Variants in CDH11 observed in about 807,000 individuals in gnomAD.
CDH11 encodes the protein cadherin-11.
In CDH11, 11 loss-of-function variants were observed where a neutral mutation model predicts 67.8. That is an observed-to-expected ratio of 0.16 (90% CI 0.10 to 0.27). The LOEUF (loss-of-function observed/expected upper bound fraction) is 0.27, where lower values mean the gene tolerates loss of function less well. Ranked by LOEUF, CDH11 falls within the 10% of genes least tolerant of loss-of-function variation. The pLI is 1.00. For missense variants in CDH11, 847 were observed against 1,031.2 expected (o/e 0.82, Z 2.45); for synonymous variants, 419 against 400.0 (o/e 1.05, Z -0.57).
intron 2 of CDH11, among the ~76,000 whole-genome samples, chr16:65,048,254 G>A (rs995005506): frequency 9.9e-5 from 15 of 152,178 alleles, no homozygotes; most frequent in Non-Finnish European, 2.1e-4. Flanking sequence ...CAAGTGGAGA[G>A]CAGAATGTGA....
intron 1 of CDH11, among the ~76,000 whole-genome samples, chr16:65,070,521 T>A (rs2074397747): frequency 6.6e-6 from 1 of 152,148 alleles, no homozygotes; most frequent in South Asian, 2.1e-4. Context: ...CTCACAGCAT[T>A]GCCCTGAAGA....
intron 2 of CDH11, among the ~76,000 whole-genome samples, chr16:65,040,562 G>C (rs534095712): frequency 3.3e-5 from 5 of 151,998 alleles, no homozygotes; most frequent in African/African-American, 9.7e-5. Context: ...GTTGTGGGGT[G>C]GGGGGAGGAG....
chr16:65,107,940 G>T (rs963790149), intron 1 of CDH11, among the ~76,000 whole-genome samples: 3 of 152,102 alleles, frequency 2.0e-5, no homozygotes, highest in Non-Finnish European at 4.4e-5. Context: ...GCATTGCAAG[G>T]GCTGATCTGC....
chr16:65,110,194 C>T (rs1026195410), intron 1 of CDH11, among the ~76,000 whole-genome samples: 9 of 152,126 alleles, frequency 5.9e-5, no homozygotes. Context: ...CTAAAACCTC[C>T]TTCTGCTCCA....
chr16:65,099,963 G>A (rs1597194050), intron 1 of CDH11, among the ~76,000 whole-genome samples: 1 of 152,274 alleles, frequency 6.6e-6, no homozygotes, highest in East Asian at 1.9e-4. Context: ...GGGCAGTTAG[G>A]AGATTAAGGA....
chr16:65,032,146 C>G (rs2073655496), intron 2 of CDH11, among the ~76,000 whole-genome samples: 1 of 152,044 alleles, frequency 6.6e-6, no homozygotes, highest in African/African-American at 2.4e-5. Flanking sequence ...AGGAATGATA[C>G]TGAATCTTTA....
chr16:65,102,637 T>C (rs2075011331), intron 1 of CDH11, among the ~76,000 whole-genome samples: 1 of 152,252 alleles, frequency 6.6e-6, no homozygotes, highest in African/African-American at 2.4e-5. Context: ...AGATTTATCC[T>C]TTCCAAAGCC....
At position 65,107,696 on chromosome 16, in the gene CDH11, C is replaced by T. The variant is rs550956088; in HGVS notation, c.-298+14184G>A. On this transcript the variant is annotated intron_variant, in intron 1 of 12. Transcript: ENST00000268603. ...TATCACCCTCTGCTTATAAACTCTG[C>T]TCGGGCAAAGCAAACCTGTGCATTC... Among the ~76,000 whole-genome samples, 24 of 152,326 alleles carry T rather than the reference C, an allele frequency of 1.6e-4. 1 individual carries two copies. The South Asian group carries it at 4.6e-3, about 29-fold the overall frequency.
chr16:65,108,851 T>C (rs1038132317), intron 1 of CDH11, among the ~76,000 whole-genome samples: 27 of 152,052 alleles, frequency 1.8e-4, no homozygotes, highest in African/African-American at 2.7e-4. Flanking sequence ...GATTACCACA[T>C]AGAAATTGAA....
At chr16:64,948,160 C>A in intron 12 of CDH11, 61 bp from the exon 13 acceptor site, 1 of 1,553,464 alleles carries the variant, frequency 6.4e-7, no homozygotes, top group Admixed American at 1.8e-5. Flanking sequence ...GGTTCTTCTG[C>A]CAGAGGAACT....
chr16:65,000,427 A>C (rs916191358), intron 3 of CDH11, among the ~76,000 whole-genome samples: 3 of 152,186 alleles, frequency 2.0e-5, no homozygotes, highest in Admixed American at 2.0e-4. Context: ...TCAAGTAGAG[A>C]AAAAGACCTT....
intron 1 of CDH11, among the ~76,000 whole-genome samples, chr16:65,075,747 G>A (rs1016824077): frequency 6.6e-6 from 1 of 152,212 alleles, no homozygotes; most frequent in African/African-American, 2.4e-5. Context: ...TGCACAGCCA[G>A]CGTAGACAAT....
chr16:65,063,169 C>T (rs1468199278), intron 1 of CDH11, among the ~76,000 whole-genome samples: 1 of 152,142 alleles, frequency 6.6e-6, no homozygotes, highest in African/African-American at 2.4e-5. Context: ...GGCTATTCTA[C>T]CTCGATTTGT....
chr16:65,052,982 A>T (rs1433971576), intron 2 of CDH11, among the ~76,000 whole-genome samples: 3 of 152,148 alleles, frequency 2.0e-5, no homozygotes, highest in Non-Finnish European at 4.4e-5. Context: ...TGATACTATT[A>T]CAGGAATGTG....
intron 2 of CDH11, among the ~76,000 whole-genome samples, chr16:65,050,745 A>T (rs1025689734): frequency 3.9e-5 from 6 of 151,988 alleles, no homozygotes; most frequent in African/African-American, 1.5e-4. Flanking sequence ...CTCTCCTTGG[A>T]ATAAAAGCTT....
At chr16:64,982,403 G>GAGA (rs1178954311) in intron 7 of CDH11, 102 bp from the exon 8 acceptor site, 1 of 851,798 alleles carries the variant, frequency 1.2e-6, no homozygotes, top group East Asian at 2.6e-5. Context: ...TCCTCAAAGA[G>GAGA]AGAAAATCAG....
intron 2 of CDH11, among the ~76,000 whole-genome samples, chr16:65,021,200 C>G (rs2073416493): frequency 6.6e-6 from 1 of 152,192 alleles, no homozygotes; most frequent in African/African-American, 2.4e-5. Context: ...CACACCAAAG[C>G]TCTCTCATAA....
intron 8 of CDH11, among the ~76,000 whole-genome samples, chr16:64,978,563 T>C (rs1455558985): frequency 3.3e-5 from 5 of 152,238 alleles, no homozygotes; most frequent in African/African-American, 1.2e-4. Context: ...GAAGGCTATG[T>C]GGTACTGCTG....
intron 1 of CDH11, among the ~76,000 whole-genome samples, chr16:65,101,900 T>G (rs1308839540): frequency 1.3e-5 from 2 of 152,230 alleles, no homozygotes; most frequent in Non-Finnish European, 2.9e-5. Flanking sequence ...AATGAATGGA[T>G]GGATATTCTG....
Sources: allele counts gnomAD v4.1 joint callset (sites outside exome capture counted in the v4.1 genomes callset), GRCh38; gene constraint gnomAD v4.1.1; transcripts MANE v1.5; gene names NCBI Gene and HGNC (gene_info 2026-07-23, HGNC 2026-07-21).